The following TMEM120B variants were observed in gnomAD, a reference collection of about 807,000 sequenced individuals.
TMEM120B encodes the protein transmembrane protein 120B.
A neutral mutation model predicts 55.5 loss-of-function variants in TMEM120B; 31 were observed. That is an observed-to-expected ratio of 0.56 (90% confidence interval 0.42 to 0.75). The LOEUF (loss-of-function observed/expected upper bound fraction) is 0.75, where lower values mean the gene tolerates loss of function less well. TMEM120B is among the 30% of genes least tolerant of loss of function. The pLI is 0.00. For missense variants in TMEM120B, 399 were observed against 425.5 expected, an observed-to-expected ratio of 0.94 and a Z score of 0.55; for synonymous variants, 203 against 176.3, an observed-to-expected ratio of 1.15 and a Z score of -1.20.
intron 1 of TMEM120B, among the ~76,000 whole-genome samples, chr12:121,740,344 CGTG>C (rs987496861): frequency 1.3e-5 from 2 of 151,280 alleles, no homozygotes; most frequent in African/African-American, 4.9e-5. Flanking sequence ...ATTAGCCAGG[CGTG>C]GTGGTGCATG....
Position 121,734,249 on chromosome 12 carries a change from G to A in TMEM120B, c.70-9380G>A, listed in dbSNP as rs143689565. 1.3e-3 allele frequency among the ~76,000 whole-genome samples: 202 copies of A among 150,690 alleles called. No homozygotes were observed. In the East Asian group the frequency reaches 0.037, roughly 28 times the overall value. On this transcript the variant is annotated intron_variant, in intron 1 of 11. Coordinates refer to ENST00000449592, the MANE Select transcript of TMEM120B (RefSeq NM_001080825.2). Reference sequence around the variant, plus strand: ...ACATGGCTGGGGCTGGAATCTTCTGGAGGTTTCTTTCTTTTTCTTTTTTTT... The same window carrying A: ...ACATGGCTGGGGCTGGAATCTTCTGAAGGTTTCTTTCTTTTTCTTTTTTTT...
At chr12:121,718,734 T>A (rs1894744787) in intron 1 of TMEM120B, among the ~76,000 whole-genome samples, 1 of 152,160 alleles carries the variant, frequency 6.6e-6, no homozygotes, top group Admixed American at 6.6e-5. Context: ...TATAGTGCTT[T>A]CACACAATGC....
intron 5 of TMEM120B, chr12:121,758,139 G>T: frequency 1.0e-6 from 1 of 985,026 alleles, no homozygotes; most frequent in Non-Finnish European, 1.2e-6. Context: ...GCCTTTGTCA[G>T]TGCCTCCTCA....
In TMEM120B at chr12:121,779,723, T is replaced by C; in HGVS notation, c.*4001T>C. On this transcript the variant is annotated 3_prime_UTR_variant, in exon 12 of 12. Transcript: ENST00000449592. ...CCCCTGGAGGTCTCCTAGCACCACC[T>C]GGTGGGTTTGGGACTGGCTCTGAGG... 4 of 1,580,202 alleles carry C rather than the reference T, an allele frequency of 2.5e-6. No individual in the cohort carries two copies. Among genetic ancestry groups the C allele is most frequent in the Non-Finnish European group, 3.5e-6 (4 of 1,156,666 alleles).
chr12:121,720,526 A>G (rs1566505260), intron 1 of TMEM120B, among the ~76,000 whole-genome samples: 1 of 152,120 alleles, frequency 6.6e-6, no homozygotes, highest in Non-Finnish European at 1.5e-5. Flanking sequence ...CCTAGGCAAC[A>G]TGGCAAAACC....
intron 4 of TMEM120B, among the ~76,000 whole-genome samples, chr12:121,750,813 A>T (rs2137192851): frequency 1.0e-5 from 1 of 99,206 alleles, no homozygotes; most frequent in Non-Finnish European, 2.0e-5. Context: ...CCCATACACA[A>T]CACCCCACAC....
At chr12:121,768,127 A>C in intron 6 of TMEM120B, among the ~76,000 whole-genome samples, 1 of 152,150 alleles carries the variant, frequency 6.6e-6, no homozygotes, top group East Asian at 1.9e-4. Context: ...ACTAGGATAC[A>C]TGAGTGGAGG....
intron 1 of TMEM120B, among the ~76,000 whole-genome samples, chr12:121,720,017 G>A (rs982477969): frequency 2.6e-5 from 4 of 152,064 alleles, no homozygotes; most frequent in Admixed American, 2.6e-4. Context: ...CATTCTTGAT[G>A]ATGTCACATC....
chr12:121,733,081 T>C (rs1895034287), intron 1 of TMEM120B, among the ~76,000 whole-genome samples: 1 of 152,146 alleles, frequency 6.6e-6, no homozygotes, highest in African/African-American at 2.4e-5. Flanking sequence ...CTTGCCTGTG[T>C]GCCCAGAGAG....
chr12:121,731,831 T>C lies in TMEM120B; in HGVS notation c.70-11798T>C, dbSNP rs561207765. Among the ~76,000 whole-genome samples the C allele has an allele frequency of 5.3e-4, 80 of 152,208 alleles. 1 individual carries two copies. The highest frequency in any genetic ancestry group is 8.7e-4 in the Non-Finnish European group (59 of 68,044). On this transcript the variant is annotated intron_variant, in intron 1 of 11. Transcript: ENST00000449592. ...TAAAACATTTACAAATGGTTAAAAG[T>C]TATGTATATTTTACCACAATTAAAA...
Position 121,777,072 on chromosome 12 carries a change from C to T in TMEM120B, c.*1350C>T, listed in dbSNP as rs1044966626. The T allele has an allele frequency of 1.3e-5, 2 of 152,052 alleles. No homozygotes were observed. The highest frequency in any genetic ancestry group is 2.4e-5 in the African/African-American group (1 of 41,364). 9.4% of individuals were successfully genotyped at this position (152,052 alleles called of 1,614,324 possible). On this transcript the variant is annotated 3_prime_UTR_variant, in exon 12 of 12. Transcript: ENST00000449592. ...CCAGGTTCAAGTGATTCTCCTGCCTCAGCCTCCCGAGTAACTGGGACTACA... is the reference window on the plus strand; with the variant it reads ...CCAGGTTCAAGTGATTCTCCTGCCTTAGCCTCCCGAGTAACTGGGACTACA...
At chr12:121,748,619 C>T (rs1166273477) in intron 3 of TMEM120B, among the ~76,000 whole-genome samples, 177 bp downstream of exon 3, 1 of 152,088 alleles carries the variant, frequency 6.6e-6, no homozygotes, top group Non-Finnish European at 1.5e-5. Flanking sequence ...AGGAGGGGAC[C>T]TTAGCCACAC....
chr12:121,726,952 C>T (rs377484741), intron 1 of TMEM120B, among the ~76,000 whole-genome samples: 2 of 146,154 alleles, frequency 1.4e-5, no homozygotes, highest in African/African-American at 5.1e-5. Flanking sequence ...AGGCTGGGCA[C>T]GGTGGCTCAC....
intron 6 of TMEM120B, among the ~76,000 whole-genome samples, chr12:121,764,793 G>A (rs1873794966): frequency 6.6e-6 from 1 of 152,188 alleles, no homozygotes; most frequent in African/African-American, 2.4e-5. Flanking sequence ...AGCACTGAGT[G>A]GAGGTCTCTG....
intron 5 of TMEM120B, among the ~76,000 whole-genome samples, chr12:121,754,730 T>A (rs2137235288): frequency 6.6e-6 from 1 of 152,310 alleles, no homozygotes; most frequent in South Asian, 2.1e-4. Context: ...TAATTCCATC[T>A]ACAAAGACCC....
At chr12:121,769,061 G>A (rs1012225106) in intron 6 of TMEM120B, among the ~76,000 whole-genome samples, 1 of 151,338 alleles carries the variant, frequency 6.6e-6, no homozygotes, top group Non-Finnish European at 1.5e-5. Flanking sequence ...CAGGAGAATT[G>A]CCTGAACCCA....
intron 5 of TMEM120B, among the ~76,000 whole-genome samples, chr12:121,759,155 C>T (rs1313452864): frequency 2.0e-5 from 3 of 147,432 alleles, no homozygotes; most frequent in East Asian, 2.0e-4. Flanking sequence ...GAGTCTCGCT[C>T]ACTCCCCTCG....
chr12:121,749,146 C>A (rs1028358692), intron 3 of TMEM120B, among the ~76,000 whole-genome samples: 1 of 152,106 alleles, frequency 6.6e-6, no homozygotes, highest in Admixed American at 6.6e-5. Context: ...AGGCCTGTAG[C>A]GGGTGGGAGG....
intron 6 of TMEM120B, among the ~76,000 whole-genome samples, chr12:121,763,647 T>A (rs1276765138): frequency 6.6e-6 from 1 of 152,172 alleles, no homozygotes; most frequent in Non-Finnish European, 1.5e-5. Context: ...TTCATCATGT[T>A]GGCCAGGCTG....
Sources: allele counts gnomAD v4.1 joint callset (sites outside exome capture counted in the v4.1 genomes callset), GRCh38; gene constraint gnomAD v4.1.1; transcripts MANE v1.5; gene names NCBI Gene and HGNC (gene_info 2026-07-23, HGNC 2026-07-21).